The following SUPT3H variants were observed in gnomAD, a reference collection of about 807,000 sequenced individuals.
The protein encoded by SUPT3H is SPT3 homolog, SAGA and STAGA complex component.
Under a neutral mutation model 44.3 loss-of-function variants are expected in SUPT3H, and 44 were observed. That is an observed-to-expected ratio of 0.99 (90% CI 0.78 to 1.28). The LOEUF (loss-of-function observed/expected upper bound fraction) is 1.28, where lower values mean the gene tolerates loss of function less well. Ranked by LOEUF, SUPT3H falls within the 50% of genes most tolerant of loss-of-function variation. The probability of loss-of-function intolerance (pLI) is 0.00; values close to 1 mark genes in which losing one functional copy is unlikely to be tolerated. For synonymous variants in SUPT3H, 124 were observed against 125.6 expected (o/e 0.99, Z 0.09); for missense variants, 380 against 387.1 (o/e 0.98, Z 0.15).
intron 2 of SUPT3H, among the ~76,000 whole-genome samples, chr6:45,230,830 G>C (rs1407005664): frequency 6.6e-6 from 1 of 151,242 alleles, no homozygotes; most frequent in Non-Finnish European, 1.5e-5. Context: ...GTGCCACCAT[G>C]CCTGGCTAAT....
intron 10 of SUPT3H, among the ~76,000 whole-genome samples, chr6:44,884,562 C>T (rs1328750141): frequency 6.6e-6 from 1 of 152,090 alleles, no homozygotes; most frequent in East Asian, 1.9e-4. Flanking sequence ...GCACTACTCA[C>T]AATAGCAAAG....
intron 2 of SUPT3H, among the ~76,000 whole-genome samples, chr6:45,309,939 C>T (rs1375589348): frequency 6.6e-6 from 1 of 152,036 alleles, no homozygotes; most frequent in Admixed American, 6.5e-5. Context: ...AGGAACAAAC[C>T]AGCAATCCTG....
chr6:45,007,709 C>T (rs758728688), intron 5 of SUPT3H, among the ~76,000 whole-genome samples: 11 of 151,472 alleles, frequency 7.3e-5, no homozygotes, highest in Non-Finnish European at 1.5e-4. Context: ...TGGTGCATTA[C>T]TCCCCTCACC....
At chr6:45,327,265 C>T (rs952472337) in intron 2 of SUPT3H, among the ~76,000 whole-genome samples, 1 of 151,874 alleles carries the variant, frequency 6.6e-6, no homozygotes, top group African/African-American at 2.4e-5. Flanking sequence ...TTCAAAGCTT[C>T]CATTAGAAAC....
intron 2 of SUPT3H, among the ~76,000 whole-genome samples, chr6:45,282,984 T>A (rs534339816): frequency 1.3e-5 from 2 of 152,194 alleles, no homozygotes; most frequent in African/African-American, 4.8e-5. Flanking sequence ...CCAGCCAAAC[T>A]AAGCTTCATA....
chr6:45,187,000 G>A (rs1373295330), intron 2 of SUPT3H, among the ~76,000 whole-genome samples: 1 of 149,792 alleles, frequency 6.7e-6, no homozygotes, highest in Non-Finnish European at 1.5e-5. Flanking sequence ...CAAGCGCAGA[G>A]TATGCACCCC....
intron 2 of SUPT3H, among the ~76,000 whole-genome samples, chr6:45,302,509 T>A (rs1677173062): frequency 8.6e-6 from 1 of 116,710 alleles, no homozygotes; most frequent in Admixed American, 1.0e-4. Context: ...ATGAAGTATC[T>A]CAGGAATATA....
At chr6:44,973,799 T>A (rs944352330) in intron 6 of SUPT3H, among the ~76,000 whole-genome samples, 2 of 152,084 alleles carry the variant, frequency 1.3e-5, no homozygotes, top group South Asian at 2.1e-4. Context: ...AGCAAATACA[T>A]CCTTCTTCAC....
intron 2 of SUPT3H, among the ~76,000 whole-genome samples, chr6:45,353,882 G>A (rs1581831487): frequency 6.6e-6 from 1 of 151,196 alleles, no homozygotes; most frequent in African/African-American, 2.4e-5. Context: ...CCAAAGGTCA[G>A]TGCCTTTAGT....
At chr6:45,071,094 T>C (rs910968800) in intron 3 of SUPT3H, among the ~76,000 whole-genome samples, 1 of 152,170 alleles carries the variant, frequency 6.6e-6, no homozygotes, top group African/African-American at 2.4e-5. Flanking sequence ...TTGGAGAATG[T>C]AAAATGAAGA....
At chr6:44,941,456 C>T (rs1273632783) in intron 9 of SUPT3H, among the ~76,000 whole-genome samples, 1 of 152,064 alleles carries the variant, frequency 6.6e-6, no homozygotes, top group Non-Finnish European at 1.5e-5. Flanking sequence ...TTCGAAAATG[C>T]CATCCCATTA....
At chr6:45,146,485 C>G (rs1358413087) in intron 2 of SUPT3H, among the ~76,000 whole-genome samples, 1 of 152,072 alleles carries the variant, frequency 6.6e-6, no homozygotes, top group African/African-American at 2.4e-5. Flanking sequence ...ACAGCATATG[C>G]TGCATGGGTG....
At chr6:44,963,630 CAT>C (rs1473173947) in intron 6 of SUPT3H, among the ~76,000 whole-genome samples, 2 of 152,144 alleles carry the variant, frequency 1.3e-5, no homozygotes, top group Admixed American at 6.5e-5. Context: ...GTATCTGACA[CAT>C]GACTCAATAA....
At position 44,895,850 on chromosome 6, in the gene SUPT3H, ATAAG is replaced by A. The variant is rs572519263; in HGVS notation, c.912+36799_912+36802del. 1.5e-4 allele frequency among the ~76,000 whole-genome samples: 23 copies of A among 152,244 alleles called. No homozygotes were observed. The South Asian group carries it at 4.4e-3, about 29-fold the overall frequency. On this transcript the variant is annotated intron_variant, in intron 10 of 10. Transcript: ENST00000371459. ...AATGAAGTTCATTCTCTTTATCCAAATAAGTAAGAAACGTGTAGACATAACTAAA... is the reference window on the plus strand; with the variant it reads ...AATGAAGTTCATTCTCTTTATCCAAATAAGAAACGTGTAGACATAACTAAA...
At chr6:44,982,182 TTTTGTTTGTTTG>T (rs66595702) in intron 6 of SUPT3H, among the ~76,000 whole-genome samples, 1 of 151,588 alleles carries the variant, frequency 6.6e-6, no homozygotes, top group Non-Finnish European at 1.5e-5. Flanking sequence ...CAATGATTCT[TTTTGTTTGTTTG>T]TTTGTTTGTT....
intron 3 of SUPT3H, among the ~76,000 whole-genome samples, chr6:45,024,322 T>C (rs1433453492): frequency 2.6e-5 from 4 of 152,174 alleles, no homozygotes; most frequent in Non-Finnish European, 5.9e-5. Context: ...TTGCTATCCA[T>C]GACATTCATT....
intron 3 of SUPT3H, among the ~76,000 whole-genome samples, chr6:45,096,011 C>G (rs1797734799): frequency 6.6e-6 from 1 of 152,072 alleles, no homozygotes; most frequent in South Asian, 2.1e-4. Context: ...ACTACTGTTA[C>G]TAGTAACCTA....
intron 2 of SUPT3H, among the ~76,000 whole-genome samples, chr6:45,148,114 T>C (rs139757042): frequency 5.3e-5 from 8 of 152,126 alleles, no homozygotes; most frequent in Admixed American, 3.9e-4. Flanking sequence ...GTAACATCTA[T>C]GTCTAACTGA....
intron 5 of SUPT3H, among the ~76,000 whole-genome samples, chr6:45,009,090 A>G (rs1252838827): frequency 6.6e-6 from 1 of 152,116 alleles, no homozygotes; most frequent in Non-Finnish European, 1.5e-5. Flanking sequence ...AGAAATCTCT[A>G]TTCAGACCCT....
Sources: allele counts gnomAD v4.1 joint callset (sites outside exome capture counted in the v4.1 genomes callset), GRCh38; gene constraint gnomAD v4.1.1; transcripts MANE v1.5; gene names NCBI Gene and HGNC (gene_info 2026-07-23, HGNC 2026-07-21).